Variants in ACOT8 observed in about 807,000 individuals in gnomAD.
The protein encoded by ACOT8 is acyl-coenzyme A thioesterase 8.
In ACOT8, 31 loss-of-function variants were observed where a neutral mutation model predicts 38.4. The observed-to-expected ratio is 0.81, with a 90% CI of 0.61 to 1.09. ACOT8 has a LOEUF of 1.09. Ranked by LOEUF, ACOT8 falls within the 50% of genes least tolerant of loss-of-function variation. The pLI is 0.00. For missense variants in ACOT8, 373 were observed against 421.8 expected, an observed-to-expected ratio of 0.88 and a Z score of 1.01; for synonymous variants, 158 against 170.3, an observed-to-expected ratio of 0.93 and a Z score of 0.56.
chr20:45,857,311 G>A lies in ACOT8; in HGVS notation c.5C>T (p.Ser2Leu), dbSNP rs61729408. 7.0e-4 allele frequency: 1,127 copies of A among 1,602,760 alleles called. 1 individual carries two copies. Among genetic ancestry groups the A allele is most frequent in the Non-Finnish European group, 8.8e-4 (1,029 of 1,175,630 alleles). The change falls in exon 1 of 6, where the codon TCG becomes TTG. Residue 2 changes from serine to leucine, a missense_variant. Physicochemically the swap from Ser to Leu is moderately radical, Grantham distance 145. Coordinates refer to ENST00000217455, the MANE Select transcript of ACOT8 (RefSeq NM_005469.4). ...CCCATCTTCTGGGGCCTGCGGGGAC[G>A]ACATCTAGTTCAATGCTGCAGGCCC... The part of the protein sequence containing the change: M[S>L]SPQAPEDGQG...
chr20:45,848,927 TCCA>T (rs1470296208), intron 2 of ACOT8: 1 of 406,448 alleles, frequency 2.5e-6, no homozygotes, highest in African/African-American at 2.0e-5. Context: ...AAATCCTGGC[TCCA>T]CCACTCACCA....
rs1412190459 is a variant in ACOT8, at chr20:45,843,523, T to C, written c.841+4A>G. On this transcript the variant is annotated splice_donor_region_variant and intron_variant, in intron 5 of 5. Transcript: ENST00000217455. Reference sequence around the variant, plus strand: ...GCCCTTGTCCCACACGGCCCCACACTCACCGGCCCAGGGGCTCTCGCATTC... The same window carrying C: ...GCCCTTGTCCCACACGGCCCCACACCCACCGGCCCAGGGGCTCTCGCATTC... 2 of 1,608,874 alleles carry C rather than the reference T, an allele frequency of 1.2e-6. No homozygotes were observed. The highest frequency in any genetic ancestry group is 3.4e-5 in the Admixed American group (2 of 59,656).
chr20:45,848,733 G>A, intron 2 of ACOT8, 58 bp from the exon 3 acceptor site: 1 of 1,414,852 alleles, frequency 7.1e-7, no homozygotes, highest in Non-Finnish European at 9.7e-7. Context: ...CACAACGCCT[G>A]ACAGGCACTC....
intron 2 of ACOT8, among the ~76,000 whole-genome samples, chr20:45,852,698 C>A (rs1985144038): frequency 6.6e-6 from 1 of 152,190 alleles, no homozygotes; most frequent in Non-Finnish European, 1.5e-5. Flanking sequence ...CCCATAATAA[C>A]TACCAATTAT....
chr20:45,857,346 G>T lies in ACOT8; in HGVS notation c.-31C>A, dbSNP rs761756346. ...TCAATGCTGCAGGCCCTGCACACCCGCTCCGCGGAAGACGCGGAGACATAC... is the reference window on the plus strand; with the variant it reads ...TCAATGCTGCAGGCCCTGCACACCCTCTCCGCGGAAGACGCGGAGACATAC... On this transcript the variant is annotated 5_prime_UTR_variant, in exon 1 of 6. Transcript: ENST00000217455. 2 of 1,571,278 alleles carry T rather than the reference G, an allele frequency of 1.3e-6. No individual in the cohort carries two copies. The highest frequency in any genetic ancestry group is 1.7e-6 in the Non-Finnish European group (2 of 1,159,680).
chr20:45,841,984 G>T (rs1182512540), intron 5 of ACOT8, 28 bp from the exon 6 acceptor site: 2 of 1,611,930 alleles, frequency 1.2e-6, no homozygotes, highest in African/African-American at 2.7e-5. Context: ...GGTGATGATG[G>T]CCTGCTTCAG....
chr20:45,842,807 G>C (rs1366344199), intron 5 of ACOT8: 1 of 990,620 alleles, frequency 1.0e-6, no homozygotes. Context: ...ATCTTGGATT[G>C]TGATGCTATT....
chr20:45,842,276 C>A (rs991142137), intron 5 of ACOT8: 1 of 1,429,718 alleles, frequency 7.0e-7, no homozygotes, highest in Non-Finnish European at 9.1e-7. Flanking sequence ...ACTCCTCCCA[C>A]AGGAACCCCA....
rs1352976395 is a variant in ACOT8 at position 45,848,730 on chromosome 20, C to T, written c.263-55G>A. The T allele has an allele frequency of 2.8e-6, 4 of 1,425,196 alleles. No individual in the cohort carries two copies. The East Asian group carries it at 6.9e-5, about 25-fold the overall frequency. The allele number at this position is 1,425,196 out of a possible 1,614,324, so 88.3% of individuals were successfully genotyped here. On this transcript the variant is annotated intron_variant, in intron 2 of 5. Transcript: ENST00000217455. ...CACAGGCCCTGTCATCATCACAACG[C>T]CTGACAGGCACTCTACTACTCATCT...
chr20:45,842,269 C>G, intron 5 of ACOT8: 4 of 1,430,268 alleles, frequency 2.8e-6, no homozygotes, highest in Non-Finnish European at 3.6e-6. Flanking sequence ...AGGGGTAACT[C>G]CTCCCACAGG....
intron 2 of ACOT8, 51 bp downstream of exon 2, chr20:45,855,108 A>C (rs1462344684): frequency 8.1e-6 from 13 of 1,604,396 alleles, no homozygotes; most frequent in Non-Finnish European, 1.1e-5. Context: ...AAGGCCAGAA[A>C]TGGCTGCTGG....
At chr20:45,853,622 T>C (rs1985199071) in intron 2 of ACOT8, 1 of 182,702 alleles carries the variant, frequency 5.5e-6, no homozygotes, top group Admixed American at 5.9e-5. Context: ...GGTATTTCAC[T>C]AGGCTGGAAG....
At chr20:45,851,143 A>C (rs1316000882) in intron 2 of ACOT8, among the ~76,000 whole-genome samples, 1 of 152,196 alleles carries the variant, frequency 6.6e-6, no homozygotes, top group Non-Finnish European at 1.5e-5. Flanking sequence ...ACCAGGGCTC[A>C]ATCAACAGCA....
intron 3 of ACOT8, among the ~76,000 whole-genome samples, chr20:45,845,837 GT>G (rs901449285): frequency 3.6e-4 from 46 of 127,248 alleles, no homozygotes; most frequent in Non-Finnish European, 3.4e-4. Context: ...GTTTTTTTTT[GT>G]TTTTTTTTTT....
At chr20:45,842,660 C>T in intron 5 of ACOT8, 1 of 989,760 alleles carries the variant, frequency 1.0e-6, no homozygotes, top group Non-Finnish European at 1.2e-6. Context: ...AGAGCTCACT[C>T]AGTTCTCACA....
intron 5 of ACOT8, chr20:45,842,366 T>C (rs918314241): frequency 1.3e-5 from 17 of 1,319,386 alleles, no homozygotes; most frequent in Middle Eastern, 2.9e-4. Context: ...GAGAACAGTC[T>C]CCTTCAACAG....
intron 1 of ACOT8, among the ~76,000 whole-genome samples, chr20:45,856,381 C>T (rs1416760936): frequency 6.6e-6 from 1 of 152,122 alleles, no homozygotes; most frequent in Admixed American, 6.6e-5. Context: ...GAGGTCAAAG[C>T]TGTTAGAAGC....
At chr20:45,855,588 A>G (rs1985361606) in intron 1 of ACOT8, among the ~76,000 whole-genome samples, 1 of 152,060 alleles carries the variant, frequency 6.6e-6, no homozygotes, top group Non-Finnish European at 1.5e-5. Context: ...CTCCATCTCT[A>G]CTAAAAATAC....
At chr20:45,845,496 A>G (rs1984618442) in intron 3 of ACOT8, among the ~76,000 whole-genome samples, 1 of 152,016 alleles carries the variant, frequency 6.6e-6, no homozygotes, top group South Asian at 2.1e-4. Context: ...GTGCCCAGCC[A>G]CTTCATTATT....
Sources: gnomAD v4.1 joint callset for allele counts (sites outside exome capture counted in the v4.1 genomes callset) on GRCh38, gnomAD v4.1.1 for gene constraint, MANE v1.5 for transcripts, NCBI Gene and HGNC (gene_info 2026-07-23, HGNC 2026-07-21) for gene names.